Variants in PLEKHM1 observed in about 807,000 individuals in gnomAD.
The protein encoded by PLEKHM1 is pleckstrin homology domain-containing family M member 1.
A neutral mutation model predicts 94.3 loss-of-function variants in PLEKHM1; 28 were observed. That is an observed-to-expected ratio of 0.30 (90% CI 0.22 to 0.41). The LOEUF (loss-of-function observed/expected upper bound fraction) is 0.41, where lower values mean the gene tolerates loss of function less well. PLEKHM1 is among the 10% of genes least tolerant of loss of function. The pLI is 1.00. For synonymous variants in PLEKHM1, 424 were observed against 581.2 expected, an observed-to-expected ratio of 0.73 and a Z score of 3.89; for missense variants, 907 against 1,358.6, an observed-to-expected ratio of 0.67 and a Z score of 5.22.
rs2050262547 is a variant in PLEKHM1, at chr17:45,436,540, A to G, written c.*1318T>C. ...TGACTCCAAGCTGAGCGCAGGTAAG[A>G]CAGCTAGGACTGAGGGCCTGCTAGG... On this transcript the variant is annotated 3_prime_UTR_variant, in exon 12 of 12. Coordinates refer to ENST00000430334, the MANE Select transcript of PLEKHM1 (RefSeq NM_014798.3). 1 of 452,310 alleles carries G rather than the reference A, an allele frequency of 2.2e-6. No individual in the cohort carries two copies. Among genetic ancestry groups the G allele is most frequent in the Admixed American group, 2.4e-5 (1 of 42,474 alleles). 28.0% of individuals were successfully genotyped at this position (452,310 alleles called of 1,614,324 possible).
chr17:45,456,012 G>A (rs1005702350), intron 6 of PLEKHM1, among the ~76,000 whole-genome samples: 5 of 152,098 alleles, frequency 3.3e-5, no homozygotes, highest in African/African-American at 9.7e-5. Context: ...TGTGTCAAGC[G>A]CAGCCCCAGC....
At chr17:45,472,065 T>C (rs1378858787) in intron 4 of PLEKHM1, among the ~76,000 whole-genome samples, 2 of 151,692 alleles carry the variant, frequency 1.3e-5, no homozygotes, top group African/African-American at 4.9e-5. Context: ...TTGTGGATGT[T>C]TTGATTTTAT....
At chr17:45,439,894 C>T (rs2050388886) in intron 10 of PLEKHM1, 3 of 642,516 alleles carry the variant, frequency 4.7e-6, no homozygotes, top group Non-Finnish European at 8.3e-6. Context: ...ATTCACTGTA[C>T]CCTCCCCTTG....
intron 5 of PLEKHM1, among the ~76,000 whole-genome samples, chr17:45,461,173 G>A (rs1414604087): frequency 1.3e-5 from 2 of 152,162 alleles, no homozygotes; most frequent in African/African-American, 2.4e-5. Flanking sequence ...AGGCATGAGC[G>A]ACCGCGCCCA....
At chr17:45,467,457 T>G (rs2089054355) in intron 5 of PLEKHM1, among the ~76,000 whole-genome samples, 1 of 152,210 alleles carries the variant, frequency 6.6e-6, no homozygotes, top group Non-Finnish European at 1.5e-5. Flanking sequence ...AAAGTGAGTA[T>G]GCTCAAGGCC....
rs750366701 is a variant in PLEKHM1 at position 45,453,574 on chromosome 17, C to T, written c.2278G>A (p.Gly760Arg). ...CACAGGGCGGCTTCCTCGGCGTTTC[C>T]GGCCTGCAGCTTCAGGACAGCCTTG... ...TAKAVLKLQAGNAEEAALWRD... is the reference protein window; with the variant it reads ...TAKAVLKLQARNAEEAALWRD... The change falls in exon 7 of 12, where the codon GGA becomes AGA. Residue 760 changes from glycine to arginine, a missense_variant. Physicochemically the swap from Gly to Arg is moderately radical, Grantham distance 125 (BLOSUM62 -2). Coordinates refer to ENST00000430334, the MANE Select transcript of PLEKHM1 (RefSeq NM_014798.3). This position sits in a 1 kb window ranked among gnomAD's most constrained non-coding sequence, Gnocchi z 4.1. The T allele has an allele frequency of 2.8e-5, 44 of 1,598,026 alleles. No individual in the cohort carries two copies. The highest frequency in any genetic ancestry group is 1.1e-4 in the South Asian group (10 of 89,580).
rs141330644 is a variant in PLEKHM1, at chr17:45,477,998, G to A, written c.198C>T (p.His66=). ...TTTTTCCTCCGGCCTCAGCTCGGAT[G>A]TGCTTGGCGTGCAGGCCATGGATAA... ...AVFIHGLHAK[H]IRAEAGGKRK... is the part of the protein sequence containing the mutation. Residue 66 remains histidine, a synonymous_variant, in exon 3 of 12, where the codon CAC becomes CAT. Coordinates refer to ENST00000430334, the MANE Select transcript of PLEKHM1 (RefSeq NM_014798.3). 1.3e-5 allele frequency: 21 copies of A among 1,614,066 alleles called. No individual in the cohort carries two copies. In the African/African-American group the frequency reaches 2.0e-4, roughly 15 times the overall value.
intron 9 of PLEKHM1, among the ~76,000 whole-genome samples, chr17:45,441,586 C>A (rs1338428405): frequency 6.6e-6 from 1 of 152,180 alleles, no homozygotes; most frequent in Non-Finnish European, 1.5e-5. Flanking sequence ...TGTCCTCTGA[C>A]CACAGTCGTG....
intron 3 of PLEKHM1, chr17:45,476,167 TATATAA>T (rs1373048716): frequency 2.0e-5 from 3 of 146,814 alleles, no homozygotes; most frequent in African/African-American, 7.4e-5. Flanking sequence ...ATATAATAAA[TATATAA>T]ATATAAATTA....
chr17:45,468,944 G>C (rs2051411292), intron 4 of PLEKHM1, among the ~76,000 whole-genome samples: 1 of 151,842 alleles, frequency 6.6e-6, no homozygotes, highest in Admixed American at 6.6e-5. Flanking sequence ...ACACATGGTT[G>C]TGTGGGCAAT....
chr17:45,435,939 A>T lies in PLEKHM1; in HGVS notation c.*1919T>A. Reference sequence around the variant, plus strand: ...AGGTCTTTACTGCAAAATCATTCAAAACTCACACGGCAGCAATTCCTTCAA... The same window carrying T: ...AGGTCTTTACTGCAAAATCATTCAATACTCACACGGCAGCAATTCCTTCAA... On this transcript the variant is annotated 3_prime_UTR_variant, in exon 12 of 12. Coordinates refer to ENST00000430334, the MANE Select transcript of PLEKHM1 (RefSeq NM_014798.3). 2.2e-6 allele frequency: 1 copy of T among 456,290 alleles called. No homozygotes were observed. The highest frequency in any genetic ancestry group is 4.4e-6 in the Non-Finnish European group (1 of 226,706). The allele number at this position is 456,290 out of a possible 1,614,324, so 28.3% of individuals were successfully genotyped here.
At chr17:45,474,058 A>AT (rs1319843269) in intron 4 of PLEKHM1, among the ~76,000 whole-genome samples, 7 of 144,958 alleles carry the variant, frequency 4.8e-5, no homozygotes, top group African/African-American at 1.8e-4. Context: ...TTATTTATTT[A>AT]TTTATTTTTT....
intron 5 of PLEKHM1, among the ~76,000 whole-genome samples, chr17:45,461,676 G>A (rs1430220133): frequency 6.6e-6 from 1 of 152,144 alleles, no homozygotes; most frequent in Non-Finnish European, 1.5e-5. Context: ...CTGGCGAGCA[G>A]GCCTCAGGGT....
intron 6 of PLEKHM1, among the ~76,000 whole-genome samples, chr17:45,456,060 G>A (rs1395057390): frequency 3.3e-5 from 5 of 152,060 alleles, no homozygotes; most frequent in Non-Finnish European, 5.9e-5. Flanking sequence ...CTTGAAACAC[G>A]TACATTGCCT....
intron 8 of PLEKHM1, among the ~76,000 whole-genome samples, chr17:45,446,570 C>T (rs2050614268): frequency 1.3e-5 from 2 of 152,216 alleles, no homozygotes; most frequent in South Asian, 4.1e-4. Context: ...GACAAGTGCA[C>T]AGTGACTAGA....
intron 2 of PLEKHM1, among the ~76,000 whole-genome samples, chr17:45,478,898 T>A (rs190729575): frequency 1.3e-3 from 195 of 152,272 alleles, no homozygotes; most frequent in African/African-American, 4.4e-3. Context: ...AGTAACCAGA[T>A]GGGCCTCCTC....
In PLEKHM1 at chr17:45,440,194, G is replaced by A. The variant is rs1422735921; in HGVS notation, c.2870C>T (p.Pro957Leu). The A allele has an allele frequency of 9.3e-6, 15 of 1,614,168 alleles. No homozygotes were observed. The highest frequency in any genetic ancestry group is 1.3e-5 in the African/African-American group (1 of 75,048). Residue 957 changes from proline to leucine, a missense_variant, in exon 10 of 12, where the codon CCG (proline) becomes CTG (leucine). By Grantham distance (98) the Pro-to-Leu change is moderately conservative. Coordinates refer to ENST00000430334, the MANE Select transcript of PLEKHM1 (RefSeq NM_014798.3). ...LNHRNYLLES[P>L]HRFSVADLQQ... ...GAGGTCAGCAACACTGAACCTATGC[G>A]GAGATTCCAAGAGATAATTCCTGTG...
chr17:45,472,938 G>A (rs1004936939), intron 4 of PLEKHM1, among the ~76,000 whole-genome samples: 2 of 152,132 alleles, frequency 1.3e-5, no homozygotes, highest in African/African-American at 2.4e-5. Flanking sequence ...CTTCTTTTCC[G>A]CTGATGCAGC....
At chr17:45,442,446 C>T (rs2050477506) in intron 9 of PLEKHM1, among the ~76,000 whole-genome samples, 1 of 152,182 alleles carries the variant, frequency 6.6e-6, no homozygotes, top group African/African-American at 2.4e-5. Flanking sequence ...CACTCTGTCT[C>T]CCAGCCTGGA....
Sources: allele counts gnomAD v4.1 joint callset (sites outside exome capture counted in the v4.1 genomes callset), GRCh38; gene constraint gnomAD v4.1.1; non-coding constraint Gnocchi (gnomAD v3.1); transcripts MANE v1.5; gene names NCBI Gene and HGNC (gene_info 2026-07-23, HGNC 2026-07-21).